The following BBS9 variants were observed in gnomAD, a reference collection of about 807,000 sequenced individuals.
The protein encoded by BBS9 is Bardet-Biedl syndrome 9.
Under a neutral mutation model 117.7 loss-of-function variants are expected in BBS9, and 89 were observed. The ratio of observed to expected loss-of-function variants is 0.76; its 90% CI spans 0.64 to 0.90. The LOEUF is 0.90. Among genes scored for constraint, BBS9 ranks in the 40% least tolerant of loss-of-function variants. The pLI, the probability that BBS9 is intolerant of heterozygous loss-of-function variation, is 0.00. For synonymous variants in BBS9, 379 were observed against 370.9 expected (o/e 1.02, Z -0.25); for missense variants, 982 against 1,042.2 (o/e 0.94, Z 0.80).
At position 33,450,602 on chromosome 7, in the gene BBS9, T is replaced by A. The variant is rs59644818; in HGVS notation, c.2116-54861T>A. ...AGGTGATAGCTCTTTGTGGTTTTGA[T>A]TTGCATTTTCTGGATGATTACTGAT... is the stretch of plus-strand genomic sequence containing the variant. On this transcript the variant is annotated intron_variant, in intron 19 of 22. Transcript: ENST00000242067. Among the ~76,000 whole-genome samples the A allele has an allele frequency of 1.1e-4, 17 of 152,194 alleles. No homozygotes were observed. In the South Asian group the frequency reaches 3.5e-3, roughly 32 times the overall value.
intron 18 of BBS9, among the ~76,000 whole-genome samples, chr7:33,387,728 A>G (rs1826283676): frequency 6.6e-6 from 1 of 152,216 alleles, no homozygotes; most frequent in Admixed American, 6.5e-5. Context: ...GTAACCAATT[A>G]TTGAAAAACA....
At chr7:33,258,747 T>C in intron 6 of BBS9, among the ~76,000 whole-genome samples, 1 of 152,182 alleles carries the variant, frequency 6.6e-6, no homozygotes, top group Non-Finnish European at 1.5e-5. Flanking sequence ...ACAGTACAAA[T>C]ATTTAAACAC....
chr7:33,527,167 C>T (rs1366511786), intron 20 of BBS9, among the ~76,000 whole-genome samples: 2 of 152,108 alleles, frequency 1.3e-5, no homozygotes, highest in Non-Finnish European at 1.5e-5. Flanking sequence ...CAGACAGGGA[C>T]ATTTAAGTCT....
At chr7:33,345,142 G>A (rs6969260) in intron 12 of BBS9, among the ~76,000 whole-genome samples, 147,758 of 152,304 alleles carry the variant, frequency 0.97, 71,861 homozygotes, top group Non-Finnish European at 0.99. Context: ...AGAAAATATT[G>A]AATGAAGATG....
chr7:33,555,269 T>G (rs182778954), intron 21 of BBS9, among the ~76,000 whole-genome samples: 271 of 152,296 alleles, frequency 1.8e-3, no homozygotes, highest in African/African-American at 6.4e-3. Context: ...GAATCTGGCT[T>G]AATTGTGTTG....
At chr7:33,461,254 G>C (rs962805832) in intron 19 of BBS9, among the ~76,000 whole-genome samples, 1 of 151,884 alleles carries the variant, frequency 6.6e-6, no homozygotes, top group African/African-American at 2.4e-5. Context: ...CTAGAAGTAG[G>C]GTTGTGGGAT....
rs193115635 is a variant in BBS9, at chr7:33,325,796, G to A, written c.1017-10645G>A. 2.0e-5 allele frequency among the ~76,000 whole-genome samples: 3 copies of A among 152,132 alleles called. No individual in the cohort carries two copies. In the East Asian group the frequency reaches 5.8e-4, roughly 29 times the overall value. ...CCAGAATAATTCTCTGGATTACTAG[G>A]GAGAGACTCTTGCTTTCTTCCCTTA... On this transcript the variant is annotated intron_variant, in intron 9 of 22. Coordinates refer to ENST00000242067, the MANE Select transcript of BBS9 (RefSeq NM_198428.3).
At chr7:33,372,346 T>C (rs1823030988) in intron 17 of BBS9, among the ~76,000 whole-genome samples, 2 of 152,168 alleles carry the variant, frequency 1.3e-5, no homozygotes. Flanking sequence ...TTATTGAGTT[T>C]TTTTAAAATC....
chr7:33,605,167 C>G, intron 22 of BBS9, 28 bp from the exon 23 acceptor site: 1 of 1,598,666 alleles, frequency 6.3e-7, no homozygotes. Context: ...TTTTCTCTCT[C>G]TTTCTCTCTT....
At chr7:33,614,984 G>T (rs1180207859) in intron 21 of BBS9, among the ~76,000 whole-genome samples, 10 of 152,070 alleles carry the variant, frequency 6.6e-5, no homozygotes, top group African/African-American at 2.4e-4. Context: ...TCAGTCCACA[G>T]TCAATCCTGT....
At chr7:33,226,366 A>G (rs564426525) in intron 5 of BBS9, among the ~76,000 whole-genome samples, 1 of 152,266 alleles carries the variant, frequency 6.6e-6, no homozygotes, top group African/African-American at 2.4e-5. Flanking sequence ...TTGTGATTTT[A>G]TATCTGATAG....
chr7:33,410,364 T>G (rs1830893411), intron 19 of BBS9, among the ~76,000 whole-genome samples: 1 of 152,188 alleles, frequency 6.6e-6, no homozygotes, highest in African/African-American at 2.4e-5. Context: ...ACACTGTCTC[T>G]TTTCCTGTTG....
chr7:33,584,801 A>G (rs1022657807), intron 21 of BBS9, among the ~76,000 whole-genome samples: 1 of 152,138 alleles, frequency 6.6e-6, no homozygotes, highest in Non-Finnish European at 1.5e-5. Flanking sequence ...GTTTTATAGC[A>G]TGGTGATGCT....
chr7:33,253,245 G>T (rs6947669), intron 5 of BBS9, among the ~76,000 whole-genome samples: 5,789 of 152,304 alleles, frequency 0.038, 198 homozygotes, highest in African/African-American at 0.089. Flanking sequence ...TTTAGGCTCA[G>T]ATTAGGTTCT....
chr7:33,169,690 C>A (rs1376721118), intron 4 of BBS9, among the ~76,000 whole-genome samples: 2 of 151,800 alleles, frequency 1.3e-5, no homozygotes, highest in African/African-American at 4.8e-5. Flanking sequence ...TGTTTGAGTT[C>A]ATTGTAGATT....
At chr7:33,584,550 T>A (rs1726533982) in intron 21 of BBS9, among the ~76,000 whole-genome samples, 1 of 152,130 alleles carries the variant, frequency 6.6e-6, no homozygotes, top group Non-Finnish European at 1.5e-5. Context: ...TCTATTTTTT[T>A]TTGAAAATTA....
chr7:33,351,322 A>G lies in BBS9; in HGVS notation c.1536A>G (p.Thr512=), dbSNP rs753876979. The G allele has an allele frequency of 6.3e-7, 1 of 1,586,018 alleles. No homozygotes were observed. The highest frequency in any genetic ancestry group is 1.7e-5 in the Admixed American group (1 of 60,000). Residue 512 remains threonine, a splice_region_variant and synonymous_variant, in exon 14 of 23, where the codon ACA becomes ACG. Transcript: ENST00000242067. ...GNAVVSYSRP[T]DRNPDGIPRV... ...CTGTTGTTTCTTATTCCAGACCAAC[A>G]GGTAAACATACAGGCTTAATCATTA...
intron 21 of BBS9, among the ~76,000 whole-genome samples, chr7:33,631,715 A>T (rs537783693): frequency 6.6e-6 from 1 of 152,152 alleles, no homozygotes; most frequent in African/African-American, 2.4e-5. Flanking sequence ...TTCCAGCTCG[A>T]TGCAATTTCA....
chr7:33,340,299 A>G (rs1816243460), intron 10 of BBS9, among the ~76,000 whole-genome samples: 1 of 152,164 alleles, frequency 6.6e-6, no homozygotes, highest in African/African-American at 2.4e-5. Flanking sequence ...TTGCTTTTTA[A>G]AAGTTAATAG....
Sources: gnomAD v4.1 joint callset for allele counts (sites outside exome capture counted in the v4.1 genomes callset) on GRCh38, gnomAD v4.1.1 for gene constraint, MANE v1.5 for transcripts, NCBI Gene and HGNC (gene_info 2026-07-23, HGNC 2026-07-21) for gene names.